Variants in ROBO1 observed in about 807,000 individuals in gnomAD.
The protein encoded by ROBO1 is roundabout homolog 1.
In ROBO1, 149 loss-of-function variants were observed where a neutral mutation model predicts 195.9. The observed-to-expected ratio is 0.76, with a 90% CI of 0.67 to 0.87. ROBO1 has a LOEUF of 0.87. ROBO1 is among the 40% of genes least tolerant of loss of function. ROBO1 has a pLI of 0.00. For missense variants in ROBO1, 1,933 were observed against 2,068.3 expected (o/e 0.93, Z 1.27); for synonymous variants, 816 against 733.2 (o/e 1.11, Z -1.82).
At chr3:79,607,024 C>G (rs1944507757) in intron 1 of ROBO1, among the ~76,000 whole-genome samples, 2 of 150,242 alleles carry the variant, frequency 1.3e-5, no homozygotes, top group African/African-American at 2.4e-5. Context: ...ATGTCCTTAA[C>G]CTATAATTAA....
chr3:78,800,489 G>GT (rs1477024404), intron 4 of ROBO1, among the ~76,000 whole-genome samples: 1 of 152,066 alleles, frequency 6.6e-6, no homozygotes, highest in Non-Finnish European at 1.5e-5. Context: ...ACCCTCACCC[G>GT]TAATACTAAA....
intron 3 of ROBO1, among the ~76,000 whole-genome samples, chr3:78,988,974 TAA>T (rs1262406937): frequency 6.6e-6 from 1 of 151,912 alleles, no homozygotes; most frequent in Non-Finnish European, 1.5e-5. Flanking sequence ...ATCACAAAAG[TAA>T]AAAGTAGAAG....
chr3:78,786,967 A>G (rs1156788844), intron 4 of ROBO1, among the ~76,000 whole-genome samples: 2 of 152,196 alleles, frequency 1.3e-5, no homozygotes, highest in African/African-American at 4.8e-5. Context: ...ATTCAAACTT[A>G]GTTGTATGCA....
chr3:78,906,122 G>T (rs2037894416), intron 4 of ROBO1, among the ~76,000 whole-genome samples: 1 of 151,972 alleles, frequency 6.6e-6, no homozygotes, highest in Non-Finnish European at 1.5e-5. Context: ...AGAATCCTAC[G>T]ATTTTTCCTG....
intron 5 of ROBO1, among the ~76,000 whole-genome samples, chr3:78,724,102 A>T (rs755229565): frequency 7.2e-5 from 11 of 152,182 alleles, no homozygotes; most frequent in Non-Finnish European, 1.6e-4. Context: ...AGAAACTGGT[A>T]AAAGTGAAAG....
intron 4 of ROBO1, among the ~76,000 whole-genome samples, chr3:78,927,042 A>T (rs2039262659): frequency 6.6e-6 from 1 of 152,224 alleles, no homozygotes; most frequent in Non-Finnish European, 1.5e-5. Flanking sequence ...TATATCCATT[A>T]TAAAAAGCAA....
chr3:79,391,504 T>C (rs6773975), intron 2 of ROBO1, among the ~76,000 whole-genome samples: 55,674 of 151,868 alleles, frequency 0.37, 10,851 homozygotes, highest in Admixed American at 0.49. Flanking sequence ...ATAGTATGTG[T>C]TTTGGCCAAT....
At chr3:79,214,236 C>T (rs973633497) in intron 2 of ROBO1, among the ~76,000 whole-genome samples, 7 of 151,876 alleles carry the variant, frequency 4.6e-5, no homozygotes, top group African/African-American at 1.7e-4. Flanking sequence ...CAGTAATAAA[C>T]AATAAACTAC....
intron 2 of ROBO1, among the ~76,000 whole-genome samples, chr3:79,429,547 C>CA (rs2038590869): frequency 1.3e-5 from 2 of 151,904 alleles, no homozygotes; most frequent in South Asian, 4.2e-4. Context: ...AGTGAAGGGA[C>CA]AAAAAACAAA....
chr3:78,742,511 A>G (rs897208230), intron 5 of ROBO1, among the ~76,000 whole-genome samples: 1 of 152,208 alleles, frequency 6.6e-6, no homozygotes, highest in African/African-American at 2.4e-5. Context: ...TATGATCTAC[A>G]TAAGATCAGT....
chr3:79,490,901 C>T (rs1939419163), intron 2 of ROBO1, among the ~76,000 whole-genome samples: 1 of 152,050 alleles, frequency 6.6e-6, no homozygotes, highest in Middle Eastern at 3.2e-3. Flanking sequence ...TCACTGTGAC[C>T]TACTATTCAG....
At chr3:79,434,916 A>G (rs527759559) in intron 2 of ROBO1, among the ~76,000 whole-genome samples, 64 of 152,276 alleles carry the variant, frequency 4.2e-4, no homozygotes, top group Admixed American at 9.8e-4. Flanking sequence ...CTTTGTAGGG[A>G]CATGGATGAA....
chr3:79,152,821 T>G (rs1417289925), intron 2 of ROBO1, among the ~76,000 whole-genome samples: 5 of 151,778 alleles, frequency 3.3e-5, no homozygotes, highest in African/African-American at 1.2e-4. Flanking sequence ...TTTTCTGAGA[T>G]GGTCATATTT....
chr3:79,542,845 T>C (rs995835124), intron 2 of ROBO1, among the ~76,000 whole-genome samples: 5 of 152,060 alleles, frequency 3.3e-5, no homozygotes, highest in African/African-American at 1.2e-4. Flanking sequence ...ATTTGCTCTT[T>C]AAGGTAGTAA....
rs2078232153 is a variant in ROBO1 at position 79,027,999 on chromosome 3, A to G, written c.173-89072T>C. Among the ~76,000 whole-genome samples, 3 of 152,160 alleles carry G rather than the reference A, an allele frequency of 2.0e-5. No homozygotes were observed. In the South Asian group the frequency reaches 6.2e-4, roughly 32 times the overall value. On this transcript the variant is annotated intron_variant, in intron 3 of 30. Transcript: ENST00000464233. The stretch of plus-strand genomic sequence containing the variant: ...TTCTAAATATTACTTTTTACCTACA[A>G]TGTTTTAATTACAAAGTAAAATATT...
intron 2 of ROBO1, among the ~76,000 whole-genome samples, chr3:79,206,366 T>G (rs2081867472): frequency 6.6e-6 from 1 of 152,198 alleles, no homozygotes; most frequent in Non-Finnish European, 1.5e-5. Flanking sequence ...AATTTAGATA[T>G]GCCAATGAGA....
chr3:79,200,841 T>C (rs2081749297), intron 2 of ROBO1, among the ~76,000 whole-genome samples: 1 of 152,006 alleles, frequency 6.6e-6, no homozygotes, highest in African/African-American at 2.4e-5. Flanking sequence ...TTTGTAGTTA[T>C]AGTTAAATGC....
chr3:78,877,948 A>G (rs2035948930), intron 4 of ROBO1, among the ~76,000 whole-genome samples: 1 of 152,122 alleles, frequency 6.6e-6, no homozygotes, highest in Middle Eastern at 3.2e-3. Flanking sequence ...CCAAATTGGG[A>G]CTATAGCATA....
chr3:79,135,999 A>C (rs1340703664), intron 2 of ROBO1, among the ~76,000 whole-genome samples: 1 of 152,198 alleles, frequency 6.6e-6, no homozygotes, highest in Non-Finnish European at 1.5e-5. Flanking sequence ...ATGAAAATTT[A>C]ATGATCTAAA....
Sources: allele counts gnomAD v4.1 joint callset (sites outside exome capture counted in the v4.1 genomes callset), GRCh38; gene constraint gnomAD v4.1.1; transcripts MANE v1.5; gene names NCBI Gene and HGNC (gene_info 2026-07-23, HGNC 2026-07-21).